Variants in TMEM14A observed in about 807,000 individuals in gnomAD.
The protein encoded by TMEM14A is transmembrane protein 14A.
Under a neutral mutation model 11.6 loss-of-function variants are expected in TMEM14A, and 8 were observed. The ratio of observed to expected loss-of-function variants is 0.69; its 90% CI spans 0.40 to 1.24. The LOEUF (loss-of-function observed/expected upper bound fraction) is 1.24. TMEM14A is among the 50% of genes most tolerant of loss of function. The probability of loss-of-function intolerance (pLI) is 0.01; values close to 1 mark genes in which losing one functional copy is unlikely to be tolerated. For missense variants in TMEM14A, 108 were observed against 121.9 expected (o/e 0.89, Z 0.54); for synonymous variants, 34 against 45.5 (o/e 0.75, Z 1.02).
chr6:52,676,717 G>A (rs1040610088), intron 1 of TMEM14A, among the ~76,000 whole-genome samples: 2 of 152,176 alleles, frequency 1.3e-5, no homozygotes, highest in African/African-American at 2.4e-5. Flanking sequence ...TACAGGAGGC[G>A]TGGCTGGAGA....
intron 1 of TMEM14A, among the ~76,000 whole-genome samples, chr6:52,672,303 G>A (rs1010304967): frequency 2.1e-5 from 3 of 141,010 alleles, no homozygotes; most frequent in African/African-American, 7.4e-5. Context: ...AAGTAAAAGG[G>A]TATGGGTCCT....
intron 2 of TMEM14A, among the ~76,000 whole-genome samples, chr6:52,679,888 T>C (rs1769332473): frequency 6.6e-6 from 1 of 151,534 alleles, no homozygotes; most frequent in South Asian, 2.1e-4. Context: ...TGGGGTGGGG[T>C]GATCCTAACA....
At chr6:52,680,625 G>GTA (rs777689582) in intron 2 of TMEM14A, among the ~76,000 whole-genome samples, 9 of 56,210 alleles carry the variant, frequency 1.6e-4, no homozygotes, top group South Asian at 1.2e-3. Flanking sequence ...ATATATATGT[G>GTA]TATATATATA....
In TMEM14A at chr6:52,686,206, T is replaced by G; in HGVS notation, c.*157T>G. 1 of 593,186 alleles carries G rather than the reference T, an allele frequency of 1.7e-6. No homozygotes were observed. Among genetic ancestry groups the G allele is most frequent in the Non-Finnish European group, 2.6e-6 (1 of 378,782 alleles). 36.7% of individuals were successfully genotyped at this position (593,186 alleles called of 1,614,324 possible). On this transcript the variant is annotated 3_prime_UTR_variant, in exon 5 of 5. Coordinates refer to ENST00000211314, the MANE Select transcript of TMEM14A (RefSeq NM_014051.4). The stretch of plus-strand genomic sequence containing the variant: ...GAACATTAGTTTGAGGTAGTTTTTT[T>G]CTAAAGCAAAAATTTTAACTGTTTT...
At chr6:52,685,932 A>G in intron 4 of TMEM14A, 78 bp from the exon 5 acceptor site, 1 of 1,387,086 alleles carries the variant, frequency 7.2e-7, no homozygotes, top group Non-Finnish European at 1.0e-6. Flanking sequence ...ACTACTGGGT[A>G]GGCGAGTGCA....
In TMEM14A at chr6:52,680,445, A is replaced by AG. The variant is rs544095666; in HGVS notation, c.71-1366dup. ...TTCCTAAGAGCTTTGGGAAGCACTAAGGTTTTTAATTAGGAGAGTGACCTG... is the reference window on the plus strand; with the variant it reads ...TTCCTAAGAGCTTTGGGAAGCACTAAGGGTTTTTAATTAGGAGAGTGACCTG... On this transcript the variant is annotated intron_variant, in intron 2 of 4. Transcript: ENST00000211314. Among the ~76,000 whole-genome samples, 347 of 151,258 alleles carry AG rather than the reference A, an allele frequency of 2.3e-3. 1 individual carries two copies. Among genetic ancestry groups the AG allele is most frequent in the African/African-American group, 8.1e-3 (334 of 41,250 alleles).
intron 1 of TMEM14A, among the ~76,000 whole-genome samples, chr6:52,676,552 C>T (rs1230740847): frequency 6.6e-6 from 1 of 152,154 alleles, no homozygotes; most frequent in South Asian, 2.1e-4. Flanking sequence ...CATGCCTGGC[C>T]GAACTTCCCT....
intron 2 of TMEM14A, among the ~76,000 whole-genome samples, chr6:52,677,880 G>C (rs1399428213): frequency 6.6e-6 from 1 of 152,126 alleles, no homozygotes; most frequent in East Asian, 1.9e-4. Context: ...AGGTCTACAT[G>C]GTTACCAGTT....
intron 1 of TMEM14A, among the ~76,000 whole-genome samples, chr6:52,673,070 T>G (rs1024533436): frequency 6.6e-6 from 1 of 152,204 alleles, no homozygotes; most frequent in Non-Finnish European, 1.5e-5. Context: ...CATTAGGGCC[T>G]TGCACATGCG....
At chr6:52,674,108 A>C (rs1421004150) in intron 1 of TMEM14A, among the ~76,000 whole-genome samples, 1 of 152,238 alleles carries the variant, frequency 6.6e-6, no homozygotes, top group Non-Finnish European at 1.5e-5. Context: ...TGAGTTATTG[A>C]GGTTCCACAG....
chr6:52,680,585 T>TATATATATATATATATATATATATA (rs1561874901), intron 2 of TMEM14A, among the ~76,000 whole-genome samples: 1 of 33,264 alleles, frequency 3.0e-5, no homozygotes, highest in Non-Finnish European at 8.1e-5. Flanking sequence ...CACTATATAT[T>TATATATATATATATATATATATATA]TATATATTTA....
At chr6:52,677,787 A>G (rs1045257653) in intron 2 of TMEM14A, among the ~76,000 whole-genome samples, 2 of 152,176 alleles carry the variant, frequency 1.3e-5, no homozygotes, top group African/African-American at 4.8e-5. Flanking sequence ...TTACGTTTTA[A>G]TGACATTTTT....
chr6:52,677,388 A>T (rs1769278264), intron 2 of TMEM14A, among the ~76,000 whole-genome samples: 1 of 152,082 alleles, frequency 6.6e-6, no homozygotes, highest in Non-Finnish European at 1.5e-5. Flanking sequence ...CCTCTCTTCC[A>T]CCACAAAACT....
intron 1 of TMEM14A, among the ~76,000 whole-genome samples, chr6:52,676,798 G>T (rs1366782472): frequency 6.6e-6 from 1 of 152,132 alleles, no homozygotes; most frequent in Non-Finnish European, 1.5e-5. Flanking sequence ...GGCGACAGGA[G>T]GGGGAGAGCA....
At chr6:52,674,868 G>T (rs915014060) in intron 1 of TMEM14A, among the ~76,000 whole-genome samples, 7 of 148,108 alleles carry the variant, frequency 4.7e-5, no homozygotes, top group African/African-American at 1.7e-4. Flanking sequence ...ATGACTCTGA[G>T]ATCAGCTCAA....
intron 2 of TMEM14A, among the ~76,000 whole-genome samples, chr6:52,680,704 T>TATATATACATATATGTATATATATATAC (rs371102796): frequency 2.0e-5 from 1 of 51,102 alleles, no homozygotes; most frequent in African/African-American, 5.7e-5. Flanking sequence ...TATATATATA[T>TATATATACATATATGTATATATATATAC]ACACATATAT....
chr6:52,680,593 T>TATATATATATATAATATATA (rs1561874928), intron 2 of TMEM14A, among the ~76,000 whole-genome samples: 1 of 96,516 alleles, frequency 1.0e-5, no homozygotes, highest in Non-Finnish European at 2.1e-5. Flanking sequence ...ATTTATATAT[T>TATATATATATATAATATATA]TATATATATA....
At chr6:52,682,236 G>A (rs1157070871) in intron 3 of TMEM14A, among the ~76,000 whole-genome samples, 2 of 152,022 alleles carry the variant, frequency 1.3e-5, no homozygotes, top group Non-Finnish European at 2.9e-5. Flanking sequence ...ACATTGCTGT[G>A]GAAATAACTA....
chr6:52,680,704 T>TATATATATATATATATATACACACAC (rs371102796), intron 2 of TMEM14A, among the ~76,000 whole-genome samples: 4 of 51,104 alleles, frequency 7.8e-5, no homozygotes, highest in Admixed American at 2.1e-4. Context: ...TATATATATA[T>TATATATATATATATATATACACACAC]ACACATATAT....
Sources: gnomAD v4.1 joint callset for allele counts (sites outside exome capture counted in the v4.1 genomes callset) on GRCh38, gnomAD v4.1.1 for gene constraint, MANE v1.5 for transcripts, NCBI Gene and HGNC (gene_info 2026-07-23, HGNC 2026-07-21) for gene names.